Variants in ITGAM observed in about 807,000 individuals in gnomAD.
The protein encoded by ITGAM is integrin alpha-M.
Under a neutral mutation model 137.5 loss-of-function variants are expected in ITGAM, and 79 were observed. That is an observed-to-expected ratio of 0.57 (90% CI 0.48 to 0.69). The LOEUF (loss-of-function observed/expected upper bound fraction) is 0.69, where lower values mean the gene tolerates loss of function less well. ITGAM is among the 30% of genes least tolerant of loss of function. The pLI, the probability that ITGAM is intolerant of heterozygous loss-of-function variation, is 0.00. For synonymous variants in ITGAM, 583 were observed against 592.3 expected (o/e 0.98, Z 0.23); for missense variants, 1,343 against 1,483.5 (o/e 0.91, Z 1.56).
At position 31,331,789 on chromosome 16, in the gene ITGAM, C is replaced by T; in HGVS notation, c.*82C>T. On this transcript the variant is annotated 3_prime_UTR_variant, in exon 30 of 30. Coordinates refer to ENST00000544665, the MANE Select transcript of ITGAM (RefSeq NM_000632.4). Reference sequence around the variant, plus strand: ...CACGTAGCCCCCAGGCTGCTGGACACGTCGGACAGCGAAGTATCCCCGACA... The same window carrying T: ...CACGTAGCCCCCAGGCTGCTGGACATGTCGGACAGCGAAGTATCCCCGACA... 1 of 1,089,634 alleles carries T rather than the reference C, an allele frequency of 9.2e-7. No individual in the cohort carries two copies. Among genetic ancestry groups the T allele is most frequent in the Non-Finnish European group, 1.3e-6 (1 of 757,796 alleles). 67.5% of individuals were successfully genotyped at this position (1,089,634 alleles called of 1,614,324 possible).
intron 12 of ITGAM, among the ~76,000 whole-genome samples, chr16:31,286,552 A>G (rs2080031352): frequency 6.6e-6 from 1 of 152,124 alleles, no homozygotes; most frequent in South Asian, 2.1e-4. Context: ...CTGGTGTGAG[A>G]TGGTATCTCA....
intron 14 of ITGAM, among the ~76,000 whole-genome samples, chr16:31,310,314 C>T (rs1029887298): frequency 1.2e-4 from 18 of 152,142 alleles, no homozygotes; most frequent in Admixed American, 4.6e-4. Flanking sequence ...CCATTCTCCC[C>T]GTCACTTTCA....
At chr16:31,279,133 A>G (rs2079941442) in intron 12 of ITGAM, among the ~76,000 whole-genome samples, 3 of 152,142 alleles carry the variant, frequency 2.0e-5, no homozygotes, top group Non-Finnish European at 2.9e-5. Flanking sequence ...AATCCAGTCT[A>G]TCGTTGATGG....
At chr16:31,308,420 T>G (rs557322823) in intron 14 of ITGAM, among the ~76,000 whole-genome samples, 442 of 152,320 alleles carry the variant, frequency 2.9e-3, no homozygotes, top group African/African-American at 0.01. Flanking sequence ...CTTCTAGATT[T>G]TCTAGTTTAT....
At chr16:31,317,051 A>AT (rs905147761) in intron 14 of ITGAM, among the ~76,000 whole-genome samples, 15 of 151,550 alleles carry the variant, frequency 9.9e-5, no homozygotes, top group Admixed American at 4.6e-4. Context: ...AACAGGGACA[A>AT]TTTTTTTTTC....
chr16:31,277,329 AT>A (rs2079918727), intron 11 of ITGAM, among the ~76,000 whole-genome samples: 1 of 149,534 alleles, frequency 6.7e-6, no homozygotes, highest in Admixed American at 6.7e-5. Context: ...AGTAGCTGGT[AT>A]TACAAGAATG....
intron 14 of ITGAM, among the ~76,000 whole-genome samples, chr16:31,315,585 G>A (rs2080382743): frequency 6.6e-6 from 1 of 151,996 alleles, no homozygotes; most frequent in Non-Finnish European, 1.5e-5. Flanking sequence ...AGCCTCCCAA[G>A]TAGCTGGGAT....
At chr16:31,280,400 T>C (rs1232839142) in intron 12 of ITGAM, among the ~76,000 whole-genome samples, 1 of 152,226 alleles carries the variant, frequency 6.6e-6, no homozygotes, top group Non-Finnish European at 1.5e-5. Flanking sequence ...GTTTGTGTCC[T>C]CTTTTATTTC....
intron 12 of ITGAM, among the ~76,000 whole-genome samples, chr16:31,294,127 C>G (rs2080111271): frequency 6.6e-6 from 1 of 152,066 alleles, no homozygotes; most frequent in Admixed American, 6.6e-5. Context: ...TGAAGGAGCT[C>G]CTAGGCCAAG....
intron 21 of ITGAM, among the ~76,000 whole-genome samples, chr16:31,326,347 G>A (rs1293890751): frequency 3.3e-5 from 5 of 152,076 alleles, no homozygotes; most frequent in Non-Finnish European, 7.4e-5. Flanking sequence ...ATTAAGCAAG[G>A]ACTTAGCAAG....
At chr16:31,308,004 G>C (rs1597020116) in intron 14 of ITGAM, among the ~76,000 whole-genome samples, 1 of 152,168 alleles carries the variant, frequency 6.6e-6, no homozygotes, top group East Asian at 1.9e-4. Flanking sequence ...AAGCCCACTT[G>C]ATCATGGTGG....
At position 31,332,671 on chromosome 16, in the gene ITGAM, A is replaced by G. The variant is rs1262490828; in HGVS notation, c.*964A>G. The stretch of plus-strand genomic sequence containing the variant: ...GGTAGCATACTTTATATTGGTCTGT[A>G]TCTTGCTTTTTTTCACCAATATTTC... On this transcript the variant is annotated 3_prime_UTR_variant, in exon 30 of 30. Coordinates refer to ENST00000544665, the MANE Select transcript of ITGAM (RefSeq NM_000632.4). 6.6e-6 allele frequency: 1 copy of G among 152,260 alleles called. No homozygotes were observed. Among genetic ancestry groups the G allele is most frequent in the Non-Finnish European group, 1.5e-5 (1 of 68,040 alleles). 9.4% of individuals were successfully genotyped at this position (152,260 alleles called of 1,614,324 possible).
chr16:31,268,775 C>T (rs763561204), intron 5 of ITGAM, among the ~76,000 whole-genome samples: 27 of 152,136 alleles, frequency 1.8e-4, no homozygotes, highest in Admixed American at 3.3e-4. Flanking sequence ...ATACGTTTGT[C>T]CCTGTAGTGC....
At chr16:31,320,062 T>C (rs1367406176) in intron 14 of ITGAM, among the ~76,000 whole-genome samples, 1 of 152,188 alleles carries the variant, frequency 6.6e-6, no homozygotes, top group Non-Finnish European at 1.5e-5. Context: ...TCCGCCCACC[T>C]CAGCCTCCCA....
At chr16:31,265,776 C>A (rs1002222280) in intron 3 of ITGAM, 35 bp from the exon 4 acceptor site, 5 of 1,594,368 alleles carry the variant, frequency 3.1e-6, no homozygotes, top group South Asian at 1.1e-5. Context: ...TCTGTCCCCC[C>A]ACCAGGGTGA....
intron 23 of ITGAM, chr16:31,328,931 T>C: frequency 1.9e-6 from 1 of 515,074 alleles, no homozygotes; most frequent in South Asian, 2.2e-5. Flanking sequence ...TATGTGCATG[T>C]ATGTGTGCAT....
intron 14 of ITGAM, 132 bp downstream of exon 14, chr16:31,298,086 G>A (rs2080156195): frequency 1.3e-6 from 1 of 790,776 alleles, no homozygotes; most frequent in African/African-American, 1.8e-5. Context: ...AATAACATGT[G>A]GCTGGGCCTG....
intron 12 of ITGAM, among the ~76,000 whole-genome samples, chr16:31,283,503 G>C (rs1003698515): frequency 6.6e-6 from 1 of 151,976 alleles, no homozygotes; most frequent in African/African-American, 2.4e-5. Context: ...TTCTCCACTT[G>C]ATTGAATTGG....
intron 23 of ITGAM, 61 bp from the exon 24 acceptor site, chr16:31,329,167 G>T (rs2080548180): frequency 8.9e-7 from 1 of 1,122,020 alleles, no homozygotes; most frequent in Non-Finnish European, 1.3e-6. Context: ...CTTAGCCTGA[G>T]ACACCCTCCC....
Sources: gnomAD v4.1 joint callset for allele counts (sites outside exome capture counted in the v4.1 genomes callset) on GRCh38, gnomAD v4.1.1 for gene constraint, MANE v1.5 for transcripts, NCBI Gene and HGNC (gene_info 2026-07-23, HGNC 2026-07-21) for gene names.